The following SORCS3 variants were observed in gnomAD, a reference collection of about 807,000 sequenced individuals.
The protein encoded by SORCS3 is VPS10 domain-containing receptor SorCS3.
In SORCS3, 57 loss-of-function variants were observed where a neutral mutation model predicts 146.3. The observed-to-expected ratio is 0.39, with a 90% CI of 0.31 to 0.49. SORCS3 has a LOEUF of 0.49. Ranked by LOEUF, SORCS3 falls within the 20% of genes least tolerant of loss-of-function variation. The pLI is 0.92. For missense variants in SORCS3, 1,341 were observed against 1,575.5 expected (o/e 0.85, Z 2.52); for synonymous variants, 653 against 618.5 (o/e 1.06, Z -0.83).
At position 105,187,762 on chromosome 10, in the gene SORCS3, C is replaced by T. The variant is rs562402790; in HGVS notation, c.2009+9589C>T. ...GAACATTTATTATTTCTTTACTCAACAATACGTATCGATAGCTTACTACAA... is the reference window on the plus strand; with the variant it reads ...GAACATTTATTATTTCTTTACTCAATAATACGTATCGATAGCTTACTACAA... On this transcript the variant is annotated intron_variant, in intron 14 of 26. Coordinates refer to ENST00000369701, the MANE Select transcript of SORCS3 (RefSeq NM_014978.3). Among the ~76,000 whole-genome samples, 5 of 152,298 alleles carry T rather than the reference C, an allele frequency of 3.3e-5. No homozygotes were observed. The South Asian group carries it at 1.0e-3, about 32-fold the overall frequency.
intron 14 of SORCS3, among the ~76,000 whole-genome samples, chr10:105,190,799 G>A (rs2056512654): frequency 6.6e-6 from 1 of 152,102 alleles, no homozygotes; most frequent in Admixed American, 6.6e-5. Context: ...AAAGCATAAG[G>A]CACACTGTCT....
At chr10:105,260,812 A>G (rs2056956285) in intron 25 of SORCS3, among the ~76,000 whole-genome samples, 1 of 152,154 alleles carries the variant, frequency 6.6e-6, no homozygotes, top group Non-Finnish European at 1.5e-5. Context: ...TGGGTGTCCG[A>G]TGTCCCAAGT....
At chr10:105,173,896 G>A (rs1008467840) in intron 13 of SORCS3, among the ~76,000 whole-genome samples, 13 of 152,134 alleles carry the variant, frequency 8.5e-5, no homozygotes, top group African/African-American at 2.7e-4. Flanking sequence ...CAGTGTAAAT[G>A]TCACCTACAT....
chr10:104,668,765 A>G (rs2015815404), intron 1 of SORCS3, among the ~76,000 whole-genome samples: 1 of 152,216 alleles, frequency 6.6e-6, no homozygotes, highest in African/African-American at 2.4e-5. Flanking sequence ...GGTCAGAATA[A>G]TTGGCATTTT....
chr10:104,954,548 A>G (rs1004555524), intron 3 of SORCS3, among the ~76,000 whole-genome samples: 1 of 152,230 alleles, frequency 6.6e-6, no homozygotes, highest in South Asian at 2.1e-4. Flanking sequence ...TGTTGATAAT[A>G]CTAATTGTTA....
At chr10:104,689,905 T>C (rs1000673887) in intron 1 of SORCS3, among the ~76,000 whole-genome samples, 7 of 152,218 alleles carry the variant, frequency 4.6e-5, no homozygotes, top group Admixed American at 1.3e-4. Flanking sequence ...TGTCTGTGGC[T>C]AACTGGTTAA....
intron 2 of SORCS3, among the ~76,000 whole-genome samples, chr10:104,866,086 G>T (rs1214758694): frequency 6.6e-6 from 1 of 152,166 alleles, no homozygotes; most frequent in Non-Finnish European, 1.5e-5. Context: ...AAAAAGGTCT[G>T]AGAGAGAGAA....
intron 8 of SORCS3, 104 bp downstream of exon 8, chr10:105,139,590 T>C: frequency 1.2e-6 from 1 of 854,158 alleles, no homozygotes; most frequent in Non-Finnish European, 1.9e-6. Flanking sequence ...TTGGAAGGAC[T>C]GCTGGCATTT....
intron 1 of SORCS3, among the ~76,000 whole-genome samples, chr10:104,742,113 G>A (rs2016854874): frequency 6.6e-6 from 1 of 152,076 alleles, no homozygotes; most frequent in South Asian, 2.1e-4. Context: ...GTGGGGGACA[G>A]GGGAGGGGAG....
chr10:104,951,346 T>C (rs538466943), intron 3 of SORCS3, among the ~76,000 whole-genome samples: 12 of 152,226 alleles, frequency 7.9e-5, no homozygotes, highest in African/African-American at 2.9e-4. Flanking sequence ...TTTATTTTTT[T>C]CTTAGGGTCA....
At chr10:104,721,508 G>A (rs1468644903) in intron 1 of SORCS3, among the ~76,000 whole-genome samples, 2 of 151,128 alleles carry the variant, frequency 1.3e-5, no homozygotes, top group African/African-American at 2.4e-5. Context: ...TTCCAATTCT[G>A]TGAAGAAAGT....
At chr10:104,749,598 G>A (rs1046577227) in intron 1 of SORCS3, among the ~76,000 whole-genome samples, 3 of 152,038 alleles carry the variant, frequency 2.0e-5, no homozygotes, top group African/African-American at 7.2e-5. Flanking sequence ...CTCAGCAGAG[G>A]CACTAGGATA....
chr10:104,763,819 T>G (rs1346387506), intron 1 of SORCS3, among the ~76,000 whole-genome samples: 1 of 152,188 alleles, frequency 6.6e-6, no homozygotes, highest in Non-Finnish European at 1.5e-5. Flanking sequence ...CATGCTGTTC[T>G]CCTAATAGTA....
chr10:104,696,219 CATATATAATATATATCATATACACATATG>C (rs1564661004), intron 1 of SORCS3, among the ~76,000 whole-genome samples: 36 of 33,178 alleles, frequency 1.1e-3, no homozygotes, highest in South Asian at 1.4e-3. Context: ...ATCATATACA[CATATATAATATATATCATATACACATATG>C]ATATATGATA....
At chr10:104,953,065 G>A (rs2019450384) in intron 3 of SORCS3, among the ~76,000 whole-genome samples, 1 of 152,128 alleles carries the variant, frequency 6.6e-6, no homozygotes, top group Non-Finnish European at 1.5e-5. Context: ...AGAATAATTG[G>A]AAACCCCACT....
chr10:104,697,794 T>TA (rs2016233839), intron 1 of SORCS3, among the ~76,000 whole-genome samples: 1 of 152,164 alleles, frequency 6.6e-6, no homozygotes, highest in South Asian at 2.1e-4. Context: ...TGTGATCACT[T>TA]ACGAATAGTT....
At position 105,217,102 on chromosome 10, in the gene SORCS3, T is replaced by C; in HGVS notation, c.2714T>C (p.Val905Ala). 6.2e-7 allele frequency: 1 copy of C among 1,614,094 alleles called. No individual in the cohort carries two copies. Among genetic ancestry groups the C allele is most frequent in the Non-Finnish European group, 8.5e-7 (1 of 1,179,992 alleles). ...AENNLGSDTAVLFLHVVCPVE... is the reference protein window; with the variant it reads ...AENNLGSDTAALFLHVVCPVE... Reference sequence around the variant, plus strand: ...AACAACCTTGGCTCAGACACAGCTGTCCTCTTCCTGCATGTGGTTTGTAAG... The same window carrying C: ...AACAACCTTGGCTCAGACACAGCTGCCCTCTTCCTGCATGTGGTTTGTAAG... Residue 905 changes from valine (V) to alanine (A), a missense_variant, in exon 19 of 27, where the codon GTC (valine) becomes GCC (alanine). Transcript: ENST00000369701.
chr10:104,962,683 C>G (rs1420298354), intron 3 of SORCS3, among the ~76,000 whole-genome samples: 5 of 152,216 alleles, frequency 3.3e-5, no homozygotes, highest in Non-Finnish European at 1.5e-5. Context: ...CATGTTTTAT[C>G]AAGAAGGTAT....
intron 7 of SORCS3, among the ~76,000 whole-genome samples, chr10:105,128,248 T>C (rs2055990328): frequency 6.6e-6 from 1 of 152,130 alleles, no homozygotes; most frequent in African/African-American, 2.4e-5. Context: ...CTCCAAGAAG[T>C]AGCAGTTGGC....
Sources: allele counts gnomAD v4.1 joint callset (sites outside exome capture counted in the v4.1 genomes callset), GRCh38; gene constraint gnomAD v4.1.1; transcripts MANE v1.5; gene names NCBI Gene and HGNC (gene_info 2026-07-23, HGNC 2026-07-21).